Variants in FSCN2 observed in about 807,000 individuals in gnomAD.
FSCN2 encodes fascin actin-bundling protein 2, retinal.
In FSCN2, 46 loss-of-function variants were observed where a neutral mutation model predicts 37.8. The observed-to-expected ratio is 1.22, with a 90% CI of 0.96 to 1.56. The LOEUF is 1.56. FSCN2 is among the 40% of genes most tolerant of loss of function. The probability of loss-of-function intolerance (pLI) is 0.00; values close to 1 mark genes in which losing one functional copy is unlikely to be tolerated. For synonymous variants in FSCN2, 351 were observed against 309.4 expected (o/e 1.13, Z -1.41); for missense variants, 844 against 730.4 (o/e 1.16, Z -1.79).
Position 81,528,531 on chromosome 17 carries a change from G to T in FSCN2, c.-1G>T. The T allele has an allele frequency of 6.3e-7, 1 of 1,587,248 alleles. No individual in the cohort carries two copies. Among genetic ancestry groups the T allele is most frequent in the Non-Finnish European group, 8.6e-7 (1 of 1,166,414 alleles). ...CCTCCGGGGACCCGGCCAGCCTGAA[G>T]ATGCCGACGAACGGCCTGCACCAGG... On this transcript the variant is annotated 5_prime_UTR_variant, in exon 1 of 5. Coordinates refer to ENST00000417245, the MANE Select transcript of FSCN2 (RefSeq NM_012418.4).
chr17:81,535,320 CCCACCAGCCCCATCCCCATGA>C (rs2032815751), intron 2 of FSCN2, 112 bp downstream of exon 2: 6 of 489,354 alleles, frequency 1.2e-5, no homozygotes, highest in Non-Finnish European at 2.0e-5. Flanking sequence ...CACCCCCACC[CCCACCAGCCCCATCCCCATGA>C]CCACCATCCC....
intron 4 of FSCN2, 43 bp downstream of exon 4, chr17:81,536,832 G>T (rs2032898159): frequency 6.4e-7 from 1 of 1,550,824 alleles, no homozygotes; most frequent in Non-Finnish European, 8.7e-7. Context: ...GGGGGTGGCA[G>T]CGGGCAGGTG....
chr17:81,520,148 C>T, the FSCN2 span, among the ~76,000 whole-genome samples: 1 of 152,074 alleles, frequency 6.6e-6, no homozygotes, highest in Non-Finnish European at 1.5e-5. Context: ...GGGCTGGCTC[C>T]GGGAAAGTCA....
At chr17:81,532,532 GATA>G (rs1439594474) in intron 1 of FSCN2, among the ~76,000 whole-genome samples, 10 of 146,894 alleles carry the variant, frequency 6.8e-5, no homozygotes, top group African/African-American at 2.6e-4. Flanking sequence ...TGATGATGAT[GATA>G]GTGATGGTGG....
At chr17:81,521,319 T>G in the FSCN2 span, among the ~76,000 whole-genome samples, 1 of 151,628 alleles carries the variant, frequency 6.6e-6, no homozygotes, top group Non-Finnish European at 1.5e-5. Flanking sequence ...CCACCCGCCT[T>G]GGCCTCCCAG....
chr17:81,531,408 ATGG>A (rs1568077332), intron 1 of FSCN2, among the ~76,000 whole-genome samples: 8 of 68,000 alleles, frequency 1.2e-4, no homozygotes, highest in East Asian at 4.7e-4. Flanking sequence ...GGTGATGGTG[ATGG>A]TGGTGGTGAT....
chr17:81,529,765 T>C (rs2032489015), intron 1 of FSCN2: 1 of 420,750 alleles, frequency 2.4e-6, no homozygotes, highest in African/African-American at 2.1e-5. Flanking sequence ...CTGTGGGGGG[T>C]CCATATCTCC....
the FSCN2 span, among the ~76,000 whole-genome samples, chr17:81,517,867 G>A: frequency 6.6e-6 from 1 of 152,032 alleles, no homozygotes; most frequent in African/African-American, 2.4e-5. Context: ...TTGCAGGGGA[G>A]GAGCCAGAAA....
At chr17:81,531,627 GTGGTGA>G (rs1300679905) in intron 1 of FSCN2, among the ~76,000 whole-genome samples, 8 of 116,620 alleles carry the variant, frequency 6.9e-5, no homozygotes, top group African/African-American at 2.7e-4. Flanking sequence ...GGTGATGGTG[GTGGTGA>G]TGGTGGTGGT....
Position 81,536,941 on chromosome 17 carries a change from A to G in FSCN2, c.1340A>G (p.Glu447Gly), listed in dbSNP as rs1340240203. Residue 447 changes from glutamate to glycine, a missense_variant, in exon 5 of 5, where the codon GAG (glutamate) becomes GGG (glycine). Transcript: ENST00000417245. ...GTGTGCAGCGACGGCGAACGCGCCG[A>G]GGACTTCGTCTTCGAGTTCCGTGAG... ...GSVCSDGERA[E>G]DFVFEFRERG... The G allele has an allele frequency of 6.4e-7, 1 of 1,570,930 alleles. No individual in the cohort carries two copies. Among genetic ancestry groups the G allele is most frequent in the South Asian group, 1.2e-5 (1 of 86,576 alleles).
At chr17:81,531,167 G>C (rs544326806) in intron 1 of FSCN2, among the ~76,000 whole-genome samples, 1 of 133,176 alleles carries the variant, frequency 7.5e-6, no homozygotes, top group East Asian at 2.6e-4. Flanking sequence ...TGGTGATGAT[G>C]GTGGTGATGG....
chr17:81,532,518 ATGGTG>A (rs2032721400), intron 1 of FSCN2, among the ~76,000 whole-genome samples: 2 of 30,626 alleles, frequency 6.5e-5, no homozygotes, highest in African/African-American at 1.9e-4. Context: ...AATGGTGACG[ATGGTG>A]ATGATGATGA....
Position 81,528,711 on chromosome 17 carries a change from C to A in FSCN2, c.180C>A (p.Leu60=). 2 of 1,598,796 alleles carry A rather than the reference C, an allele frequency of 1.3e-6. No homozygotes were observed. Among genetic ancestry groups the A allele is most frequent in the Non-Finnish European group, 1.7e-6 (2 of 1,173,788 alleles). The change falls in exon 1 of 5, where the codon CTC becomes CTA. Residue 60 remains leucine (L), a synonymous_variant. Transcript: ENST00000417245. ...CAGGACAAGGCACGGCTGTGCTGCT[C>A]CGCAGCAGCCACCTGGGCCGCTACC... The part of the protein sequence containing the change: ...PDPGQGTAVL[L]RSSHLGRYLS...
the FSCN2 span, among the ~76,000 whole-genome samples, chr17:81,518,023 C>T: frequency 0.014 from 2,066 of 152,282 alleles, 25 homozygotes; most frequent in South Asian, 0.065. Flanking sequence ...GCCTCGGCTT[C>T]CGCAATGAAT....
At chr17:81,515,236 T>G in the FSCN2 span, among the ~76,000 whole-genome samples, 2 of 152,080 alleles carry the variant, frequency 1.3e-5, no homozygotes, top group Admixed American at 6.5e-5. Context: ...GCGGGGCCTG[T>G]CCTGGATATG....
chr17:81,517,655 C>G, the FSCN2 span, among the ~76,000 whole-genome samples: 1 of 152,102 alleles, frequency 6.6e-6, no homozygotes, highest in African/African-American at 2.4e-5. Flanking sequence ...GAAGAAGGCT[C>G]CTTTCCCCAG....
At chr17:81,529,664 G>C (rs1555670937) in intron 1 of FSCN2, 1 of 628,226 alleles carries the variant, frequency 1.6e-6, no homozygotes, top group Admixed American at 1.9e-5. Flanking sequence ...TCTGAGACTG[G>C]AGAGGTGTGG....
the FSCN2 span, among the ~76,000 whole-genome samples, chr17:81,515,393 C>A: frequency 5.3e-5 from 8 of 152,346 alleles, 1 homozygote; most frequent in South Asian, 1.7e-3. Flanking sequence ...TCGGCAGCTG[C>A]ACTTCCGCCA....
Position 81,535,173 on chromosome 17 carries a change from C to G in FSCN2, c.948C>G (p.Val316=), listed in dbSNP as rs1166244549. The G allele has an allele frequency of 6.5e-7, 1 of 1,533,596 alleles. No homozygotes were observed. The highest frequency in any genetic ancestry group is 2.5e-5 in the East Asian group (1 of 40,740). The allele number at this position is 1,533,596 out of a possible 1,614,324, so 95.0% of individuals were successfully genotyped here. The change falls in exon 2 of 5, where the codon GTC becomes GTG. Residue 316 remains valine (V), a synonymous_variant. Transcript: ENST00000417245. ...GCACTGGGGGCTACTGGACCCTGGT[C>G]ACCCATGGGGGCATTCACGCCACAG... ...YSSTGGYWTL[V]THGGIHATAT... is the part of the protein sequence containing the mutation.
Sources: gnomAD v4.1 joint callset for allele counts (sites outside exome capture counted in the v4.1 genomes callset) on GRCh38, gnomAD v4.1.1 for gene constraint, MANE v1.5 for transcripts, NCBI Gene and HGNC (gene_info 2026-07-23, HGNC 2026-07-21) for gene names.